The following ADAM19 variants were observed in gnomAD, a reference collection of about 807,000 sequenced individuals.
ADAM19 encodes disintegrin and metalloproteinase domain-containing protein 19.
ADAM19 carries 65 observed loss-of-function variants against 114.7 expected under a neutral mutation model. That is an observed-to-expected ratio of 0.57 (90% CI 0.46 to 0.70). The LOEUF (loss-of-function observed/expected upper bound fraction) is 0.70, where lower values mean the gene tolerates loss of function less well. ADAM19 is among the 30% of genes least tolerant of loss of function. The pLI is 0.00. For synonymous variants in ADAM19, 466 were observed against 460.5 expected, an observed-to-expected ratio of 1.01 and a Z score of -0.15; for missense variants, 1,063 against 1,204.7, an observed-to-expected ratio of 0.88 and a Z score of 1.74.
chr5:157,488,420 G>T lies in ADAM19; in HGVS notation c.2395C>A (p.Arg799Ser). Residue 799 changes from arginine to serine, a missense_variant, in exon 21 of 23, where the codon CGT becomes AGT. Physicochemically the swap from Arg to Ser is moderately radical, Grantham distance 110 (BLOSUM62 -1). Around this residue, in one of 3 missense-constraint regions of ADAM19, gnomAD observed 424 missense variants for 445.5 expected, o/e 0.95. Transcript: ENST00000257527. ...AGTGGTGCAGGTGGGGACCCACCACGCAGATAATCTGGAGGGGGCCGGGGA... is the reference window on the plus strand; with the variant it reads ...AGTGGTGCAGGTGGGGACCCACCACTCAGATAATCTGGAGGGGGCCGGGGA... ...PPPRPPPDYL[R>S]GGSPPAPLPA... is the part of the protein sequence containing the mutation. 6.2e-7 allele frequency: 1 copy of T among 1,613,710 alleles called. No individual in the cohort carries two copies. The highest frequency in any genetic ancestry group is 8.5e-7 in the Non-Finnish European group (1 of 1,179,776).
intron 16 of ADAM19, among the ~76,000 whole-genome samples, chr5:157,492,480 T>G (rs1301336095): frequency 6.6e-6 from 1 of 152,224 alleles, no homozygotes; most frequent in Non-Finnish European, 1.5e-5. Context: ...ACAATATTAT[T>G]TATGTGTTAT....
intron 19 of ADAM19, among the ~76,000 whole-genome samples, chr5:157,489,389 G>T (rs1026717322): frequency 6.6e-6 from 1 of 152,154 alleles, no homozygotes; most frequent in African/African-American, 2.4e-5. Context: ...CAAGGAAACA[G>T]AGTTGGCCTT....
At chr5:157,536,538 G>T (rs1340382436) in intron 4 of ADAM19, among the ~76,000 whole-genome samples, 1 of 152,172 alleles carries the variant, frequency 6.6e-6, no homozygotes, top group Non-Finnish European at 1.5e-5. Context: ...TGAGACAGGA[G>T]AATTGCCTGA....
intron 3 of ADAM19, among the ~76,000 whole-genome samples, chr5:157,562,898 T>C (rs1581357221): frequency 6.6e-6 from 1 of 152,036 alleles, no homozygotes; most frequent in Non-Finnish European, 1.5e-5. Flanking sequence ...ACACCAACAC[T>C]ATCACTTGGG....
chr5:157,525,824 A>G (rs748578829), intron 5 of ADAM19, among the ~76,000 whole-genome samples: 4 of 151,790 alleles, frequency 2.6e-5, no homozygotes, highest in Non-Finnish European at 5.9e-5. Context: ...TTTCAATCTC[A>G]TGTTCTCCCT....
In ADAM19 at chr5:157,499,680, T is replaced by C; in HGVS notation, c.1309-18A>G. Reference sequence around the variant, plus strand: ...TTACATTCCTGGGGAGGCAGTGGGGTGGGTGTGAGTGGGGGAGGGCCTTCA... The same window carrying C: ...TTACATTCCTGGGGAGGCAGTGGGGCGGGTGTGAGTGGGGGAGGGCCTTCA... On this transcript the variant is annotated intron_variant, in intron 12 of 22. Transcript: ENST00000257527. 6.5e-7 allele frequency: 1 copy of C among 1,544,172 alleles called. No homozygotes were observed. Among genetic ancestry groups the C allele is most frequent in the Non-Finnish European group, 8.8e-7 (1 of 1,131,882 alleles).
rs199763273 is a variant in ADAM19, at chr5:157,519,911, G to C, written c.528C>G (p.Phe176Leu). 1.6e-5 allele frequency: 26 copies of C among 1,613,960 alleles called. No homozygotes were observed. The East Asian group carries it at 2.9e-4, about 18-fold the overall frequency. The change falls in exon 6 of 23, where the codon TTC becomes TTG. Residue 176 changes from phenylalanine (F) to leucine (L), a missense_variant. Physicochemically the swap from Phe to Leu is conservative, Grantham distance 22. Transcript: ENST00000257527. ...HLKPPPGNCG[F>L]EHSKPTTRDW... ...CCCTGGTGGTGGGCTTGGAGTGCTC[G>C]AACCCACAGTTTCCCGGGGGCGGCT...
intron 7 of ADAM19, 126 bp downstream of exon 7, chr5:157,518,697 A>T: frequency 1.1e-6 from 1 of 889,642 alleles, no homozygotes; most frequent in Non-Finnish European, 1.9e-6. Context: ...GGTGAGATTT[A>T]AGGTCAAAAT....
Position 157,499,594 on chromosome 5 carries a change from G to A in ADAM19, c.1377C>T (p.Gly459=), listed in dbSNP as rs770538892. 6.2e-7 allele frequency: 1 copy of A among 1,613,432 alleles called. No homozygotes were observed. Among genetic ancestry groups the A allele is most frequent in the South Asian group, 1.1e-5 (1 of 90,982 alleles). The part of the protein sequence containing the change: ...TLRPGAECAH[G]SCCHQCKLLA... ...TTACCTTACACTGGTGGCAGCAGGA[G>A]CCGTGAGCACACTCCGCCCCCGGCC... is the stretch of plus-strand genomic sequence containing the variant. The change falls in exon 13 of 23, where the codon GGC becomes GGT. Residue 459 remains glycine (G), a synonymous_variant. Coordinates refer to ENST00000257527, the MANE Select transcript of ADAM19 (RefSeq NM_033274.5).
chr5:157,493,912 G>A (rs961505557), intron 15 of ADAM19, among the ~76,000 whole-genome samples: 3 of 152,124 alleles, frequency 2.0e-5, no homozygotes, highest in African/African-American at 7.2e-5. Flanking sequence ...ACTCTCCTAT[G>A]CACCAGCACC....
chr5:157,544,188 GGGACTCCCTTGA>G (rs1756990047), intron 3 of ADAM19, among the ~76,000 whole-genome samples: 1 of 152,196 alleles, frequency 6.6e-6, no homozygotes, highest in African/African-American at 2.4e-5. Context: ...TCCTATCCCA[GGGACTCCCTTGA>G]ATAAGCACCA....
chr5:157,481,694 C>T, intron 22 of ADAM19, 97 bp downstream of exon 22: 2 of 1,551,826 alleles, frequency 1.3e-6, no homozygotes, highest in Non-Finnish European at 1.7e-6. Context: ...GTCCAGACCA[C>T]AAGAAGCATG....
chr5:157,485,325 A>G (rs1367381687), intron 21 of ADAM19, among the ~76,000 whole-genome samples: 4 of 152,232 alleles, frequency 2.6e-5, no homozygotes, highest in Non-Finnish European at 5.9e-5. Context: ...TACACACAGA[A>G]AAAGGCGAAC....
intron 3 of ADAM19, among the ~76,000 whole-genome samples, chr5:157,548,209 C>T (rs1462107088): frequency 1.3e-5 from 2 of 152,146 alleles, no homozygotes; most frequent in Non-Finnish European, 2.9e-5. Context: ...AGAGGAAGTT[C>T]CCCTTCCCCA....
At chr5:157,561,125 C>T (rs1158964015) in intron 3 of ADAM19, among the ~76,000 whole-genome samples, 1 of 152,220 alleles carries the variant, frequency 6.6e-6, no homozygotes, top group Non-Finnish European at 1.5e-5. Context: ...TTCACCTGCA[C>T]TCAATAGAGA....
At chr5:157,531,945 A>G (rs1217904043) in intron 4 of ADAM19, among the ~76,000 whole-genome samples, 1 of 152,098 alleles carries the variant, frequency 6.6e-6, no homozygotes, top group Non-Finnish European at 1.5e-5. Flanking sequence ...TTGAGTTTGG[A>G]CTTCTAGACT....
intron 7 of ADAM19, 116 bp from the exon 8 acceptor site, chr5:157,513,621 C>A (rs528619218): frequency 2.7e-5 from 24 of 899,894 alleles, no homozygotes; most frequent in Non-Finnish European, 7.1e-6. Flanking sequence ...TATGAGCCAT[C>A]ATTTTTATGC....
intron 5 of ADAM19, among the ~76,000 whole-genome samples, chr5:157,529,642 C>T (rs1756570864): frequency 6.6e-6 from 1 of 152,188 alleles, no homozygotes; most frequent in African/African-American, 2.4e-5. Flanking sequence ...CCTAGAGAAG[C>T]AAAGTCCTAG....
intron 1 of ADAM19, among the ~76,000 whole-genome samples, chr5:157,573,864 T>C (rs1017390124): frequency 1.3e-5 from 2 of 152,230 alleles, no homozygotes; most frequent in African/African-American, 4.8e-5. Context: ...GGCCACATGA[T>C]TTCAACATTC....
Sources: gnomAD v4.1 joint callset for allele counts (sites outside exome capture counted in the v4.1 genomes callset) on GRCh38, gnomAD v4.1.1 for gene constraint, gnomAD v4.1.1 regional missense constraint, MANE v1.5 for transcripts, NCBI Gene and HGNC (gene_info 2026-07-23, HGNC 2026-07-21) for gene names.